IQGAP2: variants seen among roughly 807,000 people sequenced by gnomAD.
IQGAP2 encodes the protein IQ motif containing GTPase activating protein 2, also known as ras GTPase-activating-like protein IQGAP2.
IQGAP2 carries 173 observed loss-of-function variants against 201.3 expected under a neutral mutation model. That is an observed-to-expected ratio of 0.86 (90% CI 0.76 to 0.98). IQGAP2 has a LOEUF of 0.98. IQGAP2 is among the 50% of genes least tolerant of loss of function. IQGAP2 has a pLI of 0.00. For missense variants in IQGAP2, 1,687 were observed against 1,864.8 expected (o/e 0.90, Z 1.76); for synonymous variants, 675 against 673.9 (o/e 1.00, Z -0.03).
At chr5:76,467,462 C>A (rs550578348) in intron 2 of IQGAP2, among the ~76,000 whole-genome samples, 2 of 152,062 alleles carry the variant, frequency 1.3e-5, no homozygotes, top group Non-Finnish European at 1.5e-5. Context: ...TACCCACCAG[C>A]GTAGCTATAA....
Position 76,640,996 on chromosome 5 carries a change from T to C in IQGAP2, c.1987T>C (p.Leu663=), listed in dbSNP as rs373264194. ...GAATATATGGTCTGCTTCAGAAGAG[T>C]TGCTTCTTCGCTTTCAAGCCACAAG... The part of the protein sequence containing the change: ...RENIWSASEE[L]LLRFQATSSG... Residue 663 remains leucine, a synonymous_variant, in exon 17 of 36, where the codon TTG becomes CTG. Transcript: ENST00000274364. The C allele has an allele frequency of 1.9e-6, 3 of 1,609,854 alleles. No individual in the cohort carries two copies. The highest frequency in any genetic ancestry group is 1.3e-5 in the African/African-American group (1 of 74,820).
chr5:76,518,706 A>G, intron 2 of IQGAP2, among the ~76,000 whole-genome samples: 1 of 152,182 alleles, frequency 6.6e-6, no homozygotes, highest in East Asian at 1.9e-4. Flanking sequence ...TCAGCTATTT[A>G]CCAAACACTA....
chr5:76,409,967 G>C (rs1219945427), intron 1 of IQGAP2, among the ~76,000 whole-genome samples: 1 of 152,200 alleles, frequency 6.6e-6, no homozygotes, highest in Non-Finnish European at 1.5e-5. Context: ...GAGGTGTGTG[G>C]AAATGATATA....
chr5:76,658,638 C>G lies in IQGAP2; in HGVS notation c.2500C>G (p.Leu834Val). 2 of 1,613,804 alleles carry G rather than the reference C, an allele frequency of 1.2e-6. No homozygotes were observed. Among genetic ancestry groups the G allele is most frequent in the Non-Finnish European group, 1.7e-6 (2 of 1,179,908 alleles). The change falls in exon 21 of 36, where the codon CTG becomes GTG. Residue 834 changes from leucine to valine, a missense_variant. By Grantham distance (32) the Leu-to-Val change is conservative (BLOSUM62 1). Transcript: ENST00000274364. ...DLNLMDIKIG[L>V]LVKNRITLED... ...GAACCTGATGGACATCAAGATTGGA[C>G]TGCTGGTGAAGAACAGGATCACACT...
chr5:76,614,808 T>C (rs1269589642), intron 13 of IQGAP2, among the ~76,000 whole-genome samples: 1 of 152,096 alleles, frequency 6.6e-6, no homozygotes, highest in Admixed American at 6.6e-5. Flanking sequence ...GGTATTTCTG[T>C]GCCTTGTCTT....
chr5:76,702,977 C>G (rs1260667256), intron 35 of IQGAP2, among the ~76,000 whole-genome samples: 2 of 130,934 alleles, frequency 1.5e-5, no homozygotes, highest in African/African-American at 5.9e-5. Context: ...TCATTTTTCC[C>G]TCTCTCCTAG....
At position 76,617,764 on chromosome 5, in the gene IQGAP2, C is replaced by T. The variant is rs753458882; in HGVS notation, c.1521+6581C>T. The T allele has an allele frequency of 6.2e-6, 10 of 1,613,540 alleles. No individual in the cohort carries two copies. The South Asian group carries it at 1.1e-4, about 18-fold the overall frequency. ...ATAATAAGAATAATATTGCTTGGAG[C>T]AAAGCAAATGGTAAAAATCACAAGG... On this transcript the variant is annotated intron_variant, in intron 13 of 35. Transcript: ENST00000274364.
intron 13 of IQGAP2, chr5:76,617,745 A>C (rs1336453401): frequency 3.7e-6 from 6 of 1,613,846 alleles, no homozygotes; most frequent in African/African-American, 1.3e-5. Context: ...GTGAATAATA[A>C]GAATAATATT....
chr5:76,669,428 G>A (rs903993077), intron 23 of IQGAP2, among the ~76,000 whole-genome samples: 7 of 152,170 alleles, frequency 4.6e-5, no homozygotes, highest in African/African-American at 9.7e-5. Context: ...GTAAGCCCAC[G>A]AGACATGTGA....
chr5:76,633,059 T>G (rs570513787), intron 15 of IQGAP2, among the ~76,000 whole-genome samples: 116 of 152,298 alleles, frequency 7.6e-4, no homozygotes, highest in African/African-American at 2.7e-3. Context: ...GGGAAAGAAT[T>G]GCATAATTGT....
At chr5:76,490,488 A>G (rs1051344816) in intron 2 of IQGAP2, among the ~76,000 whole-genome samples, 2 of 152,212 alleles carry the variant, frequency 1.3e-5, no homozygotes, top group Admixed American at 6.5e-5. Flanking sequence ...AAATAAAATT[A>G]ATGTCCTTTG....
intron 2 of IQGAP2, among the ~76,000 whole-genome samples, chr5:76,516,407 A>T (rs1758324820): frequency 5.3e-5 from 8 of 152,198 alleles, no homozygotes; most frequent in Admixed American, 5.2e-4. Flanking sequence ...TTTCACTTAT[A>T]AAAATCATCA....
At chr5:76,417,134 T>G (rs1427092652) in intron 1 of IQGAP2, among the ~76,000 whole-genome samples, 1 of 152,194 alleles carries the variant, frequency 6.6e-6, no homozygotes, top group Non-Finnish European at 1.5e-5. Context: ...CTCTGAAAAT[T>G]GTTCAAGTGT....
rs75528754 is a variant in IQGAP2, at chr5:76,520,090, A to G, written c.147-42306A>G. On this transcript the variant is annotated intron_variant, in intron 2 of 35. Transcript: ENST00000274364. Reference sequence around the variant, plus strand: ...ATTAATGGTTTGTGCTTTTGGTGTCATATCTAAAAACTCTTTGCCTAATCC... The same window carrying G: ...ATTAATGGTTTGTGCTTTTGGTGTCGTATCTAAAAACTCTTTGCCTAATCC... Among the ~76,000 whole-genome samples the G allele has an allele frequency of 5.5e-3, 835 of 151,116 alleles. 11 individuals are homozygous for G. The highest frequency in any genetic ancestry group is 0.02 in the African/African-American group (803 of 41,136).
intron 3 of IQGAP2, among the ~76,000 whole-genome samples, chr5:76,565,888 C>T (rs1011966773): frequency 2.0e-5 from 3 of 152,116 alleles, no homozygotes; most frequent in Admixed American, 1.3e-4. Context: ...GGGTCCCACC[C>T]CAGACTACTG....
intron 34 of IQGAP2, chr5:76,701,606 G>T: frequency 5.8e-6 from 1 of 172,936 alleles, no homozygotes; most frequent in Non-Finnish European, 1.2e-5. Flanking sequence ...TGCTGTGAGT[G>T]TGTGTATTCG....
At chr5:76,699,146 A>G (rs1019628733) in intron 33 of IQGAP2, among the ~76,000 whole-genome samples, 3 of 152,212 alleles carry the variant, frequency 2.0e-5, no homozygotes, top group African/African-American at 7.2e-5. Flanking sequence ...CCAGCCTCTG[A>G]AACCACCATT....
At chr5:76,582,783 A>T (rs970701995) in intron 5 of IQGAP2, among the ~76,000 whole-genome samples, 2 of 151,718 alleles carry the variant, frequency 1.3e-5, no homozygotes, top group African/African-American at 4.8e-5. Flanking sequence ...AGTAGATAAC[A>T]ACTACTACTA....
In IQGAP2 at chr5:76,695,526, A is replaced by C. The variant is rs558485025; in HGVS notation, c.4066A>C (p.Ser1356Arg). The change falls in exon 32 of 36, where the codon AGC (serine) becomes CGC (arginine). Residue 1356 changes from serine to arginine, a missense_variant. Ser to Arg is a moderately radical substitution (Grantham distance 110, BLOSUM62 -1). Coordinates refer to ENST00000274364, the MANE Select transcript of IQGAP2 (RefSeq NM_006633.5). ...CAGGACTCCAGAAGAAATGAAGCAT[A>C]GCCAATCTATGATTGAAGATGCACA... ...DSRTPEEMKH[S>R]QSMIEDAQLP... 6.2e-7 allele frequency: 1 copy of C among 1,614,160 alleles called. No individual in the cohort carries two copies. The highest frequency in any genetic ancestry group is 2.2e-5 in the East Asian group (1 of 44,888).
Sources: gnomAD v4.1 joint callset for allele counts (sites outside exome capture counted in the v4.1 genomes callset) on GRCh38, gnomAD v4.1.1 for gene constraint, MANE v1.5 for transcripts, NCBI Gene and HGNC (gene_info 2026-07-23, HGNC 2026-07-21) for gene names.